The following KIAA1191 variants were observed in gnomAD, a reference collection of about 807,000 sequenced individuals.
The protein encoded by KIAA1191 is putative monooxygenase p33MONOX.
KIAA1191 carries 22 observed loss-of-function variants against 31.1 expected under a neutral mutation model. That is an observed-to-expected ratio of 0.71 (90% CI 0.51 to 1.01). The LOEUF (loss-of-function observed/expected upper bound fraction) is 1.01, where lower values mean the gene tolerates loss of function less well. KIAA1191 is among the 50% of genes least tolerant of loss of function. The probability of loss-of-function intolerance (pLI) is 0.00; values close to 1 mark genes in which losing one functional copy is unlikely to be tolerated. For missense variants in KIAA1191, 319 were observed against 388.0 expected, an observed-to-expected ratio of 0.82 and a Z score of 1.49; for synonymous variants, 130 against 143.9, an observed-to-expected ratio of 0.90 and a Z score of 0.69.
chr5:176,358,773 G>T (rs1005836490), intron 3 of KIAA1191, among the ~76,000 whole-genome samples: 1 of 152,162 alleles, frequency 6.6e-6, no homozygotes, highest in African/African-American at 2.4e-5. Context: ...TTGGGAGGCC[G>T]AGGCAGGCAG....
chr5:176,347,299 T>G lies in KIAA1191; in HGVS notation c.*301A>C. The G allele has an allele frequency of 5.4e-6, 1 of 185,268 alleles. No individual in the cohort carries two copies. The allele number at this position is 185,268 out of a possible 1,614,324, so 11.5% of individuals were successfully genotyped here. Reference sequence around the variant, plus strand: ...TCGGTACAACATCTGCTTCCTGGGTTCAGGCGATTCTCCTGCCTCAGCCTC... The same window carrying G: ...TCGGTACAACATCTGCTTCCTGGGTGCAGGCGATTCTCCTGCCTCAGCCTC... On this transcript the variant is annotated 3_prime_UTR_variant, in exon 9 of 9. Transcript: ENST00000298569.
chr5:176,357,857 CAAAT>C (rs1767640020), intron 3 of KIAA1191, among the ~76,000 whole-genome samples: 1 of 152,108 alleles, frequency 6.6e-6, no homozygotes, highest in Non-Finnish European at 1.5e-5. Context: ...CATCCTAAAA[CAAAT>C]AAAGTCAGCT....
chr5:176,346,823 G>C lies in KIAA1191; in HGVS notation c.*777C>G, dbSNP rs1267479271. On this transcript the variant is annotated 3_prime_UTR_variant, in exon 9 of 9. Transcript: ENST00000298569. ...TGTACCCAGGTCCCAAACAAACCTT[G>C]GGTCCCCTAACTGATAAGGCTGGAG... The C allele has an allele frequency of 1.3e-5, 2 of 152,202 alleles. No homozygotes were observed. Among genetic ancestry groups the C allele is most frequent in the African/African-American group, 4.8e-5 (2 of 41,454 alleles). The allele number at this position is 152,202 out of a possible 1,614,324, so 9.4% of individuals were successfully genotyped here.
At position 176,347,227 on chromosome 5, in the gene KIAA1191, C is replaced by T. The variant is rs188708437; in HGVS notation, c.*373G>A. ...ACTTTATTTATTTATTTATTGATGG[C>T]GTCTCGTTCTGTCGCCCAGGCTGGA... On this transcript the variant is annotated 3_prime_UTR_variant, in exon 9 of 9. Coordinates refer to ENST00000298569, the MANE Select transcript of KIAA1191 (RefSeq NM_020444.5). 8.0e-4 allele frequency: 125 copies of T among 156,484 alleles called. 1 individual carries two copies. Among genetic ancestry groups the T allele is most frequent in the Admixed American group, 5.3e-3 (81 of 15,384 alleles). 9.7% of individuals were successfully genotyped at this position (156,484 alleles called of 1,614,324 possible).
rs912195449 is a variant in KIAA1191, at chr5:176,348,471, A to G, written c.460-115T>C. 2.8e-5 allele frequency: 19 copies of G among 685,690 alleles called. No individual in the cohort carries two copies. The African/African-American group carries it at 3.5e-4, about 13-fold the overall frequency. The allele number at this position is 685,690 out of a possible 1,614,324, so 42.5% of individuals were successfully genotyped here. On this transcript the variant is annotated intron_variant, in intron 6 of 8. Coordinates refer to ENST00000298569, the MANE Select transcript of KIAA1191 (RefSeq NM_020444.5). Reference sequence around the variant, plus strand: ...CTAACTTTAGGCAGAAGACATCTACAGGTGGAATGATTTCGGATGATCTAA... The same window carrying G: ...CTAACTTTAGGCAGAAGACATCTACGGGTGGAATGATTTCGGATGATCTAA...
Position 176,355,008 on chromosome 5 carries a change from T to C in KIAA1191, c.207+563A>G, listed in dbSNP as rs932553290. ...GACAGGATGTGGATGGCAAACATCCTAAACAATCAGGGCAGTGTGAGCCAA... is the reference window on the plus strand; with the variant it reads ...GACAGGATGTGGATGGCAAACATCCCAAACAATCAGGGCAGTGTGAGCCAA... On this transcript the variant is annotated intron_variant, in intron 4 of 8. Transcript: ENST00000298569. This position sits in a 1 kb window ranked among gnomAD's most constrained non-coding sequence, Gnocchi z 4.2. Among the ~76,000 whole-genome samples, 2 of 152,162 alleles carry C rather than the reference T, an allele frequency of 1.3e-5. No homozygotes were observed. The highest frequency in any genetic ancestry group is 2.9e-5 in the Non-Finnish European group (2 of 68,036).
At chr5:176,350,885 C>A (rs983922656) in intron 5 of KIAA1191, 148 bp from the exon 6 acceptor site, 12 of 969,032 alleles carry the variant, frequency 1.2e-5, no homozygotes, top group Non-Finnish European at 1.6e-5. Context: ...AGAGGCACCA[C>A]AGCAGTAATT....
intron 3 of KIAA1191, among the ~76,000 whole-genome samples, chr5:176,356,457 C>G (rs1767515206): frequency 6.6e-6 from 1 of 152,214 alleles, no homozygotes; most frequent in Non-Finnish European, 1.5e-5. Flanking sequence ...TTCCTTTCCT[C>G]ACCAAAGAAA....
At chr5:176,359,062 C>T (rs1418154144) in intron 3 of KIAA1191, among the ~76,000 whole-genome samples, 4 of 123,040 alleles carry the variant, frequency 3.3e-5, no homozygotes, top group East Asian at 2.4e-4. Context: ...CCAGCCTGGG[C>T]GACAGAGCAA....
chr5:176,348,300 G>A lies in KIAA1191; in HGVS notation c.516C>T (p.Ala172=). ...VTKEERQPAS[A]QSTPSTTPHS... is the part of the protein sequence containing the mutation. ...GCGGAGTGGTGCTTGGGGTGGACTG[G>A]GCTGATGCAGGCTGCCTCTCTTCTT... is the stretch of plus-strand genomic sequence containing the variant. The change falls in exon 7 of 9, where the codon GCC becomes GCT. Residue 172 remains alanine (A), a synonymous_variant. Coordinates refer to ENST00000298569, the MANE Select transcript of KIAA1191 (RefSeq NM_020444.5). The A allele has an allele frequency of 1.2e-6, 2 of 1,613,644 alleles. No individual in the cohort carries two copies. The highest frequency in any genetic ancestry group is 1.7e-6 in the Non-Finnish European group (2 of 1,179,932).
intron 4 of KIAA1191, chr5:176,353,087 C>T (rs2113482988): frequency 5.2e-6 from 1 of 192,318 alleles, no homozygotes; most frequent in South Asian, 1.1e-4. Flanking sequence ...GCACTGACCA[C>T]ATCCCAGGCA....
At chr5:176,348,779 C>G (rs939297161) in intron 6 of KIAA1191, among the ~76,000 whole-genome samples, 2 of 152,020 alleles carry the variant, frequency 1.3e-5, no homozygotes, top group African/African-American at 2.4e-5. Context: ...CTCTCCAAGC[C>G]AATACTCAGG....
At position 176,348,239 on chromosome 5, in the gene KIAA1191, G is replaced by A. The variant is rs1424499528; in HGVS notation, c.566+11C>T. ...ACGCAGGAACTCGGAAGGGTCACAG[G>A]AAGGGCTCACCTGGGCCTCTGCTTA... On this transcript the variant is annotated intron_variant, in intron 7 of 8. Transcript: ENST00000298569. 6.2e-7 allele frequency: 1 copy of A among 1,612,828 alleles called. No individual in the cohort carries two copies. The highest frequency in any genetic ancestry group is 1.1e-5 in the South Asian group (1 of 90,986).
Position 176,359,545 on chromosome 5 carries a change from A to T in KIAA1191, c.-37T>A. 6.4e-7 allele frequency: 1 copy of T among 1,571,484 alleles called. No individual in the cohort carries two copies. Among genetic ancestry groups the T allele is most frequent in the Non-Finnish European group, 8.8e-7 (1 of 1,141,306 alleles). ...GATCCAGGTGCTTTTTCTATACAGA[A>T]TTCCGAGCTGAGTCCCTGCCACCTA... On this transcript the variant is annotated 5_prime_UTR_variant, in exon 3 of 9. Transcript: ENST00000298569.
chr5:176,356,043 G>A (rs1767480345), intron 3 of KIAA1191: 2 of 339,828 alleles, frequency 5.9e-6, no homozygotes, highest in Non-Finnish European at 5.5e-6. Context: ...GCACGATCAC[G>A]GCTCACTGCA....
intron 3 of KIAA1191, among the ~76,000 whole-genome samples, chr5:176,358,866 C>T (rs2113513830): frequency 6.6e-6 from 1 of 152,242 alleles, no homozygotes; most frequent in African/African-American, 2.4e-5. Flanking sequence ...GGGCGGATCA[C>T]AAGGTCAAGA....
At chr5:176,359,986 A>G (rs1767856173) in intron 1 of KIAA1191, 68 bp from the exon 2 acceptor site, 1 of 161,528 alleles carries the variant, frequency 6.2e-6, no homozygotes, top group Non-Finnish European at 1.4e-5. Flanking sequence ...TTTATTCCCC[A>G]CAACAACCTT....
chr5:176,351,157 A>C (rs572078944), intron 5 of KIAA1191, among the ~76,000 whole-genome samples: 13 of 152,054 alleles, frequency 8.5e-5, no homozygotes, highest in African/African-American at 3.1e-4. Context: ...CCTGGCTAAC[A>C]AGGTGAAACC....
Position 176,355,705 on chromosome 5 carries a change from C to T in KIAA1191, c.73G>A (p.Gly25Arg), listed in dbSNP as rs376255121. The change falls in exon 4 of 9, where the codon GGG (glycine) becomes AGG (arginine). Residue 25 changes from glycine (G) to arginine (R), a missense_variant. Physicochemically the swap from Gly to Arg is moderately radical, Grantham distance 125 (BLOSUM62 -2). Coordinates refer to ENST00000298569, the MANE Select transcript of KIAA1191 (RefSeq NM_020444.5). The surrounding 1 kb of genome is among the most constrained non-coding windows in gnomAD (Gnocchi z 4.2). ...TAGCTGACTGCCCGGCGGTATATCC[C>T]GATGGGCAGGGACATCTTGCCTAGA... ...APLGKMSLPI[G>R]IYRRAVSYDD... 9 of 1,613,780 alleles carry T rather than the reference C, an allele frequency of 5.6e-6. No homozygotes were observed. Among genetic ancestry groups the T allele is most frequent in the African/African-American group, 4.0e-5 (3 of 74,920 alleles).
Sources: gnomAD v4.1 joint callset for allele counts (sites outside exome capture counted in the v4.1 genomes callset) on GRCh38, gnomAD v4.1.1 for gene constraint, Gnocchi (gnomAD v3.1) non-coding constraint, MANE v1.5 for transcripts, NCBI Gene and HGNC (gene_info 2026-07-23, HGNC 2026-07-21) for gene names.